Variants in TLN2 observed in about 807,000 individuals in gnomAD.
TLN2 encodes the protein talin 2.
TLN2 carries 118 observed loss-of-function variants against 294.7 expected under a neutral mutation model. The observed-to-expected ratio is 0.40, with a 90% confidence interval of 0.34 to 0.47. TLN2 has a LOEUF of 0.47. Among genes scored for constraint, TLN2 ranks in the 20% least tolerant of loss-of-function variants. The pLI is 0.84. For missense variants in TLN2, 3,083 were observed against 3,282.2 expected (o/e 0.94, Z 1.48); for synonymous variants, 1,431 against 1,304.5 (o/e 1.10, Z -2.09).
At chr15:62,679,813 C>T (rs1244855912) in intron 11 of TLN2, among the ~76,000 whole-genome samples, 2 of 152,202 alleles carry the variant, frequency 1.3e-5, no homozygotes, top group South Asian at 2.1e-4. Context: ...AGACCTTATT[C>T]AGAGTTCACC....
chr15:62,638,777 G>A (rs575321330), intron 3 of TLN2, among the ~76,000 whole-genome samples: 1 of 152,048 alleles, frequency 6.6e-6, no homozygotes, highest in Non-Finnish European at 1.5e-5. Flanking sequence ...TCTGTGTCAG[G>A]TACTTTATTG....
At chr15:62,452,050 G>A (rs570417720) in intron 1 of TLN2, among the ~76,000 whole-genome samples, 5 of 152,238 alleles carry the variant, frequency 3.3e-5, no homozygotes, top group South Asian at 2.1e-4. Context: ...CTTTCCTGTC[G>A]CCTGTGGAGA....
At chr15:62,760,022 G>A (rs541002071) in intron 37 of TLN2, among the ~76,000 whole-genome samples, 1 of 152,302 alleles carries the variant, frequency 6.6e-6, no homozygotes, top group South Asian at 2.1e-4. Flanking sequence ...GGCCAGTGCC[G>A]GCAGCATAAA....
intron 15 of TLN2, 90 bp from the exon 16 acceptor site, chr15:62,698,664 T>A: frequency 9.6e-7 from 1 of 1,038,448 alleles, no homozygotes; most frequent in East Asian, 2.5e-5. Flanking sequence ...TTGTCTTGAG[T>A]GCAGAGTTCT....
intron 2 of TLN2, among the ~76,000 whole-genome samples, chr15:62,594,255 C>T (rs912391524): frequency 6.6e-6 from 1 of 152,228 alleles, no homozygotes; most frequent in African/African-American, 2.4e-5. Flanking sequence ...GACACCCAGG[C>T]TGGAGTGCTG....
Position 62,840,813 on chromosome 15 carries a change from A to G in TLN2, c.*203A>G. ...TGTCACACGGTACAATGTCCTACCC[A>G]CAACTCCTCTGCCGCCTCCCCTCAT... On this transcript the variant is annotated 3_prime_UTR_variant, in exon 59 of 59. Coordinates refer to ENST00000636159, the MANE Select transcript of TLN2 (RefSeq NM_015059.3). 1 of 639,088 alleles carries G rather than the reference A, an allele frequency of 1.6e-6. No homozygotes were observed. The allele number at this position is 639,088 out of a possible 1,614,324, so 39.6% of individuals were successfully genotyped here. A position where few individuals can be genotyped will look rare whatever the true frequency, so the allele number is the denominator to read the frequency against.
chr15:62,802,522 T>C (rs1209266095), intron 50 of TLN2, among the ~76,000 whole-genome samples: 2 of 152,210 alleles, frequency 1.3e-5, no homozygotes, highest in African/African-American at 4.8e-5. Flanking sequence ...TTGTGAATAG[T>C]GCTGCAGTAA....
intron 31 of TLN2, 121 bp downstream of exon 31, chr15:62,739,666 C>T (rs1039375789): frequency 9.8e-6 from 12 of 1,229,414 alleles, no homozygotes; most frequent in Non-Finnish European, 2.3e-6. Flanking sequence ...GCCATGGTTG[C>T]ATTCTTTTTG....
At chr15:62,784,223 A>G in intron 45 of TLN2, 1 of 400,454 alleles carries the variant, frequency 2.5e-6, no homozygotes, top group Non-Finnish European at 4.4e-6. Flanking sequence ...CCATCTTATC[A>G]CTTCCTACTC....
At chr15:62,770,272 G>A (rs1041204743) in intron 41 of TLN2, among the ~76,000 whole-genome samples, 13 of 152,316 alleles carry the variant, frequency 8.5e-5, no homozygotes, top group Admixed American at 2.6e-4. Context: ...TAGGGGGTGC[G>A]CCCGCTAGAT....
At chr15:62,819,008 A>G (rs1283139777) in intron 52 of TLN2, among the ~76,000 whole-genome samples, 1 of 152,046 alleles carries the variant, frequency 6.6e-6, no homozygotes, top group East Asian at 1.9e-4. Flanking sequence ...GGTGTGTGCC[A>G]CCATGCCCAG....
At chr15:62,561,637 T>G (rs1000152636) in intron 1 of TLN2, among the ~76,000 whole-genome samples, 1 of 152,198 alleles carries the variant, frequency 6.6e-6, no homozygotes, top group African/African-American at 2.4e-5. Flanking sequence ...GCGCTTTCTA[T>G]GGAGTTGAGG....
At chr15:62,786,343 C>G (rs1360806814) in intron 45 of TLN2, among the ~76,000 whole-genome samples, 2 of 152,148 alleles carry the variant, frequency 1.3e-5, no homozygotes, top group African/African-American at 2.4e-5. Context: ...CAGAATGTGA[C>G]AATTACAGGA....
At chr15:62,396,338 G>T (rs1041007037) in intron 1 of TLN2, among the ~76,000 whole-genome samples, 43 of 152,162 alleles carry the variant, frequency 2.8e-4, no homozygotes, top group African/African-American at 1.0e-3. Flanking sequence ...TTGGTTAATG[G>T]ATAAGAAACT....
At chr15:62,532,285 C>T (rs1343110754) in intron 1 of TLN2, among the ~76,000 whole-genome samples, 1 of 152,032 alleles carries the variant, frequency 6.6e-6, no homozygotes, top group Admixed American at 6.6e-5. Context: ...TTAGTAGAGA[C>T]AATGTCTTGC....
intron 43 of TLN2, among the ~76,000 whole-genome samples, chr15:62,779,863 A>G (rs2064002274): frequency 6.6e-6 from 1 of 152,284 alleles, no homozygotes; most frequent in Non-Finnish European, 1.5e-5. Flanking sequence ...TGGGCTATGC[A>G]GCCACATCAC....
intron 1 of TLN2, among the ~76,000 whole-genome samples, chr15:62,554,150 A>T (rs549469676): frequency 2.0e-4 from 31 of 151,886 alleles, no homozygotes; most frequent in African/African-American, 7.5e-4. Context: ...TTGTTTCTGG[A>T]ATGAGTACAA....
Position 62,652,137 on chromosome 15 carries a change from G to T in TLN2, c.364+3G>T. ...GGTCACTATTTGTAGCAGAATAGGT[G>T]AGCATTCATACACCTTCATTATGTC... On this transcript the variant is annotated splice_donor_region_variant and intron_variant, in intron 6 of 58. Transcript: ENST00000636159. 1 of 1,577,284 alleles carries T rather than the reference G, an allele frequency of 6.3e-7. No individual in the cohort carries two copies.
chr15:62,773,502 C>A (rs924071676), intron 42 of TLN2, among the ~76,000 whole-genome samples: 2 of 152,108 alleles, frequency 1.3e-5, no homozygotes, highest in African/African-American at 4.8e-5. Context: ...GCCCAAAGTG[C>A]GCCTGGGACA....
Sources: gnomAD v4.1 joint callset for allele counts (sites outside exome capture counted in the v4.1 genomes callset) on GRCh38, gnomAD v4.1.1 for gene constraint, MANE v1.5 for transcripts, NCBI Gene and HGNC (gene_info 2026-07-23, HGNC 2026-07-21) for gene names.